IL18R1: variants seen among roughly 807,000 people sequenced by gnomAD.
IL18R1 encodes interleukin-18 receptor 1.
Under a neutral mutation model 48.5 loss-of-function variants are expected in IL18R1, and 40 were observed. The observed-to-expected ratio is 0.82, with a 90% CI of 0.64 to 1.07. IL18R1 has a LOEUF of 1.07. IL18R1 is among the 50% of genes least tolerant of loss of function. IL18R1 has a pLI of 0.00. For missense variants in IL18R1, 596 were observed against 633.7 expected (o/e 0.94, Z 0.64); for synonymous variants, 232 against 225.9 (o/e 1.03, Z -0.24).
intron 8 of IL18R1, among the ~76,000 whole-genome samples, chr2:102,388,712 G>A (rs749925326): frequency 2.6e-5 from 4 of 152,192 alleles, no homozygotes; most frequent in Non-Finnish European, 4.4e-5. Context: ...ATGTGTGCGT[G>A]CGTGTTTTTG....
intron 9 of IL18R1, among the ~76,000 whole-genome samples, chr2:102,394,160 G>A (rs538342619): frequency 3.3e-5 from 5 of 152,218 alleles, no homozygotes; most frequent in Admixed American, 2.0e-4. Flanking sequence ...CTCCTGGAAT[G>A]AGGACACCTT....
At chr2:102,359,658 G>T (rs1170595315) in intron 1 of IL18R1, among the ~76,000 whole-genome samples, 2 of 152,270 alleles carry the variant, frequency 1.3e-5, no homozygotes, top group East Asian at 1.9e-4. Flanking sequence ...AAGTAAAGCT[G>T]CTCAGTGTGC....
chr2:102,386,027 T>C lies in IL18R1; in HGVS notation c.810-834T>C, dbSNP rs143061538. On this transcript the variant is annotated intron_variant, in intron 7 of 10. Transcript: ENST00000233957. ...CCTGTGTTTTACTTCTGGATTTCAT[T>C]GGTTTTAGATGGTTGTTATTTCTGG... Among the ~76,000 whole-genome samples the C allele has an allele frequency of 3.8e-3, 585 of 152,320 alleles. 2 individuals carry two copies. The highest frequency in any genetic ancestry group is 0.014 in the African/African-American group (568 of 41,574).
At chr2:102,392,798 T>G (rs1318385803) in intron 9 of IL18R1, among the ~76,000 whole-genome samples, 3 of 151,618 alleles carry the variant, frequency 2.0e-5, no homozygotes, top group Non-Finnish European at 4.4e-5. Flanking sequence ...GAATTATAAT[T>G]TCCTTTATAA....
At chr2:102,389,302 C>G (rs920927693) in intron 8 of IL18R1, among the ~76,000 whole-genome samples, 1 of 152,160 alleles carries the variant, frequency 6.6e-6, no homozygotes. Context: ...AGGAAATATT[C>G]TATCATGTTA....
At chr2:102,381,742 A>G in intron 6 of IL18R1, 60 bp downstream of exon 6, 1 of 1,057,546 alleles carries the variant, frequency 9.5e-7, no homozygotes, top group Non-Finnish European at 1.5e-6. Flanking sequence ...AGAGCCTTCC[A>G]AGCGTAAATA....
intron 1 of IL18R1, among the ~76,000 whole-genome samples, chr2:102,359,050 T>C (rs1678423104): frequency 1.3e-5 from 2 of 152,190 alleles, no homozygotes; most frequent in South Asian, 4.1e-4. Context: ...TGTGTGCATG[T>C]GCATGTTTGC....
chr2:102,385,469 G>C (rs192501609), intron 7 of IL18R1, among the ~76,000 whole-genome samples: 1 of 152,250 alleles, frequency 6.6e-6, no homozygotes, highest in East Asian at 1.9e-4. Context: ...CTTATAAAAA[G>C]AATCAGTCTA....
chr2:102,374,323 C>T (rs1356361553), intron 4 of IL18R1, among the ~76,000 whole-genome samples: 2 of 152,074 alleles, frequency 1.3e-5, no homozygotes, highest in African/African-American at 2.4e-5. Context: ...TTGTTTGTGC[C>T]TTATGCTTGA....
Position 102,365,884 on chromosome 2 carries a change from A to G in IL18R1, c.59-1941A>G, listed in dbSNP as rs546625246. 3.3e-5 allele frequency among the ~76,000 whole-genome samples: 5 copies of G among 152,278 alleles called. No homozygotes were observed. In the South Asian group the frequency reaches 6.2e-4, roughly 19 times the overall value. ...CCTGGTATCTTGGCCTGTTTTAGCA[A>G]TGGCTGGAGGGGTAGGATGCAGGGC... On this transcript the variant is annotated intron_variant, in intron 2 of 10. Transcript: ENST00000233957.
intron 6 of IL18R1, among the ~76,000 whole-genome samples, chr2:102,383,900 A>G (rs796295819): frequency 2.0e-5 from 3 of 152,218 alleles, no homozygotes; most frequent in Non-Finnish European, 2.9e-5. Flanking sequence ...AAACAGTTAC[A>G]GTTTTTAATC....
intron 9 of IL18R1, among the ~76,000 whole-genome samples, chr2:102,390,889 C>A (rs759278918): frequency 6.8e-6 from 1 of 147,670 alleles, no homozygotes; most frequent in African/African-American, 2.5e-5. Flanking sequence ...GAGTCGGGAT[C>A]GCGCCGCTGC....
intron 9 of IL18R1, among the ~76,000 whole-genome samples, chr2:102,390,789 C>T (rs918016343): frequency 5.3e-5 from 8 of 151,880 alleles, no homozygotes; most frequent in Admixed American, 3.3e-4. Context: ...AAAAATTAGC[C>T]GGGCGTGGTG....
At chr2:102,369,655 C>T (rs375689209) in intron 3 of IL18R1, among the ~76,000 whole-genome samples, 2 of 152,194 alleles carry the variant, frequency 1.3e-5, no homozygotes, top group South Asian at 4.1e-4. Flanking sequence ...GCAGTATTTA[C>T]TGCAGATGTG....
At position 102,362,586 on chromosome 2, in the gene IL18R1, C is replaced by G; in HGVS notation, c.-28-47C>G. On this transcript the variant is annotated intron_variant, in intron 1 of 10. Coordinates refer to ENST00000233957, the MANE Select transcript of IL18R1 (RefSeq NM_003855.5). ...TTTAAACCTTCATAAGATAGGCACA[C>G]TTTTGTTTGAAAGCTTTGGCTGAAT... is the stretch of plus-strand genomic sequence containing the variant. 6.0e-6 allele frequency: 8 copies of G among 1,335,220 alleles called. No homozygotes were observed. The South Asian group carries it at 1.1e-4, about 18-fold the overall frequency. The allele number at this position is 1,335,220 out of a possible 1,614,324, so 82.7% of individuals were successfully genotyped here.
chr2:102,370,034 G>A (rs1472367584), intron 3 of IL18R1, among the ~76,000 whole-genome samples: 1 of 152,204 alleles, frequency 6.6e-6, no homozygotes, highest in Non-Finnish European at 1.5e-5. Flanking sequence ...TCAGAAGTGG[G>A]GGCTGGTGTT....
chr2:102,389,234 T>G (rs1165742260), intron 8 of IL18R1, among the ~76,000 whole-genome samples: 1 of 152,144 alleles, frequency 6.6e-6, no homozygotes, highest in African/African-American at 2.4e-5. Context: ...AAATAATGAG[T>G]GATTACCATA....
rs113968547 is a variant in IL18R1 at position 102,392,693 on chromosome 2, A to C, written c.1112-1776A>C. Among the ~76,000 whole-genome samples, 37 of 152,346 alleles carry C rather than the reference A, an allele frequency of 2.4e-4. 1 individual carries two copies. The highest frequency in any genetic ancestry group is 8.7e-4 in the African/African-American group (36 of 41,584). The stretch of plus-strand genomic sequence containing the variant: ...GAAACTAATCAATAAACAACAACAA[A>C]AAAAGGCAAATTTAAATTAAAACAT... On this transcript the variant is annotated intron_variant, in intron 9 of 10. Coordinates refer to ENST00000233957, the MANE Select transcript of IL18R1 (RefSeq NM_003855.5).
chr2:102,372,508 T>G (rs931678137), intron 4 of IL18R1, among the ~76,000 whole-genome samples: 8 of 152,256 alleles, frequency 5.3e-5, no homozygotes, highest in African/African-American at 1.9e-4. Context: ...TAGTTCATTT[T>G]ATAAAATTGG....
Sources: allele counts gnomAD v4.1 joint callset (sites outside exome capture counted in the v4.1 genomes callset), GRCh38; gene constraint gnomAD v4.1.1; transcripts MANE v1.5; gene names NCBI Gene and HGNC (gene_info 2026-07-23, HGNC 2026-07-21).